The following UBP1 variants were observed in gnomAD, a reference collection of about 807,000 sequenced individuals.
UBP1 encodes upstream binding protein 1.
A neutral mutation model predicts 76.1 loss-of-function variants in UBP1; 22 were observed. The ratio of observed to expected loss-of-function variants is 0.29; its 90% CI spans 0.21 to 0.41. The LOEUF is 0.41. UBP1 is among the 10% of genes least tolerant of loss of function. The pLI is 1.00. For synonymous variants in UBP1, 224 were observed against 237.1 expected, an observed-to-expected ratio of 0.94 and a Z score of 0.51; for missense variants, 436 against 668.1, an observed-to-expected ratio of 0.65 and a Z score of 3.83.
At chr3:33,394,906 A>G (rs1386629310) in intron 13 of UBP1, among the ~76,000 whole-genome samples, 3 of 151,636 alleles carry the variant, frequency 2.0e-5, no homozygotes, top group Non-Finnish European at 4.4e-5. Flanking sequence ...TAGCACTACA[A>G]TCACAGAGTT....
At position 33,400,182 on chromosome 3, in the gene UBP1, C is replaced by CACA. The variant is rs767160728; in HGVS notation, c.1180+4_1180+6dup. The CACA allele has an allele frequency of 2.6e-6, 4 of 1,567,776 alleles. No homozygotes were observed. The African/African-American group carries it at 5.5e-5, about 22-fold the overall frequency. Reference sequence around the variant, plus strand: ...TCATGCACAGATACACACACACATACACATACCTGAAAAATTAGAGAACAG... The same window carrying CACA: ...TCATGCACAGATACACACACACATACACAACATACCTGAAAAATTAGAGAACAG... On this transcript the variant is annotated splice_region_variant and intron_variant, in intron 11 of 15. Coordinates refer to ENST00000283629, the MANE Select transcript of UBP1 (RefSeq NM_014517.5).
At chr3:33,428,273 T>C (rs1047630969) in intron 1 of UBP1, among the ~76,000 whole-genome samples, 2 of 150,556 alleles carry the variant, frequency 1.3e-5, no homozygotes, top group African/African-American at 4.9e-5. Flanking sequence ...TAAAAATATA[T>C]ACTGCATTTT....
chr3:33,397,745 A>C (rs1207238604), intron 11 of UBP1: 1 of 152,242 alleles, frequency 6.6e-6, no homozygotes, highest in East Asian at 1.9e-4. Context: ...ATTTCCCCCA[A>C]GCACATCCTA....
Position 33,402,917 on chromosome 3 carries a change from A to T in UBP1, c.928-13T>A. ...GCCACGGAGAACACTAAGGACAGAA[A>T]CAGAAATAAATTAGTGATATGCTTT... On this transcript the variant is annotated splice_polypyrimidine_tract_variant and intron_variant, in intron 8 of 15. Coordinates refer to ENST00000283629, the MANE Select transcript of UBP1 (RefSeq NM_014517.5). 6.3e-7 allele frequency: 1 copy of T among 1,587,944 alleles called. No homozygotes were observed. The highest frequency in any genetic ancestry group is 8.6e-7 in the Non-Finnish European group (1 of 1,163,830).
chr3:33,434,977 G>A (rs527367646), intron 1 of UBP1, among the ~76,000 whole-genome samples: 6 of 152,192 alleles, frequency 3.9e-5, no homozygotes, highest in African/African-American at 1.2e-4. Flanking sequence ...GAGCCATGGC[G>A]CCCGATCTGG....
chr3:33,422,109 T>C (rs1470123868), intron 2 of UBP1, among the ~76,000 whole-genome samples: 1 of 152,140 alleles, frequency 6.6e-6, no homozygotes, highest in Non-Finnish European at 1.5e-5. Context: ...GAAGATACTT[T>C]GCTAGTCTGG....
intron 1 of UBP1, among the ~76,000 whole-genome samples, chr3:33,427,837 C>A (rs574338119): frequency 7.2e-5 from 11 of 152,308 alleles, no homozygotes; most frequent in Admixed American, 1.3e-4. Flanking sequence ...CTCTCAACAC[C>A]TTGACCTAGG....
chr3:33,439,463 T>C (rs192268503), intron 1 of UBP1, among the ~76,000 whole-genome samples: 1,853 of 152,342 alleles, frequency 0.012, 18 homozygotes, highest in Non-Finnish European at 0.02. Flanking sequence ...CAAGCCATCC[T>C]AATAGCTGGG....
chr3:33,390,333 A>C lies in UBP1; in HGVS notation c.1621T>G (p.Ter541GlyextTer4). ...TACAGTTCAGTCTATATAAGACATC[A>C]CTTCAAAATTATGTGGATGCCATCA... ...SSDGIHIILK[*>G] The change falls in exon 16 of 16, where the codon TGA (stop) becomes GGA (glycine). Residue 541 changes from the stop codon to glycine, a stop_lost. Coordinates refer to ENST00000283629, the MANE Select transcript of UBP1 (RefSeq NM_014517.5). 2 of 1,614,102 alleles carry C rather than the reference A, an allele frequency of 1.2e-6. No individual in the cohort carries two copies. The highest frequency in any genetic ancestry group is 2.2e-5 in the East Asian group (1 of 44,878).
At chr3:33,440,799 T>G (rs1020719669), upstream of UBP1, 2 of 152,246 alleles carry the variant, frequency 1.3e-5, no homozygotes, top group Admixed American at 6.5e-5. Flanking sequence ...AAGAGTTCAT[T>G]GGACTGCATG....
Position 33,411,707 on chromosome 3 carries a change from T to A in UBP1, c.449-20A>T, listed in dbSNP as rs748805971. 6.3e-7 allele frequency: 1 copy of A among 1,592,796 alleles called. No homozygotes were observed. Among genetic ancestry groups the A allele is most frequent in the East Asian group, 2.2e-5 (1 of 44,754 alleles). Reference sequence around the variant, plus strand: ...GAATATCTATGTTTTAAAAAGAAGTTACATAAAAACATCCACTTTAAATAA... The same window carrying A: ...GAATATCTATGTTTTAAAAAGAAGTAACATAAAAACATCCACTTTAAATAA... On this transcript the variant is annotated intron_variant, in intron 4 of 15. Transcript: ENST00000283629.
chr3:33,424,977 G>A lies in UBP1; in HGVS notation c.265+613C>T, dbSNP rs145621087. ...CGAGAATTGCTTTAACCTGGGGGGCGGAGGTTGCAGTGTGCCGAGATTGCG... is the reference window on the plus strand; with the variant it reads ...CGAGAATTGCTTTAACCTGGGGGGCAGAGGTTGCAGTGTGCCGAGATTGCG... On this transcript the variant is annotated intron_variant, in intron 2 of 15. Coordinates refer to ENST00000283629, the MANE Select transcript of UBP1 (RefSeq NM_014517.5). Among the ~76,000 whole-genome samples the A allele has an allele frequency of 4.9e-3, 743 of 152,156 alleles. 4 individuals carry two copies. The highest frequency in any genetic ancestry group is 6.2e-3 in the Non-Finnish European group (420 of 67,982).
chr3:33,419,683 T>C (rs1190277740), intron 2 of UBP1, among the ~76,000 whole-genome samples: 1 of 151,488 alleles, frequency 6.6e-6, no homozygotes, highest in African/African-American at 2.4e-5. Flanking sequence ...CTTGCTACGC[T>C]TAAAGTGGTT....
At chr3:33,424,122 C>A (rs2044968894) in intron 2 of UBP1, among the ~76,000 whole-genome samples, 1 of 152,190 alleles carries the variant, frequency 6.6e-6, no homozygotes, top group Non-Finnish European at 1.5e-5. Flanking sequence ...AATATCCTTG[C>A]CCCTACATTG....
chr3:33,428,099 C>T (rs944984066), intron 1 of UBP1, among the ~76,000 whole-genome samples: 1 of 144,742 alleles, frequency 6.9e-6, no homozygotes, highest in Non-Finnish European at 1.5e-5. Context: ...AGAGAATTGC[C>T]TGAACCTGGG....
chr3:33,421,517 A>G (rs7615719), intron 2 of UBP1, among the ~76,000 whole-genome samples: 57,435 of 151,836 alleles, frequency 0.38, 11,800 homozygotes, highest in East Asian at 0.6. Flanking sequence ...TGATCTGCCC[A>G]CCTCAGCCTC....
At chr3:33,441,156 C>T (rs749729444), upstream of UBP1, 37 of 152,260 alleles carry the variant, frequency 2.4e-4, no homozygotes, top group African/African-American at 8.9e-4. Context: ...CTCAGAAGGC[C>T]CGAAGGGTCT....
At position 33,396,164 on chromosome 3, in the gene UBP1, T is replaced by C. The variant is rs770784996; in HGVS notation, c.1388A>G (p.Tyr463Cys). ...ATTGAGATGCCCTCAATACCTACCA[T>C]AGGGTGCCCCACTGCCATTCTCGCT... ...SASENGSGAP[Y>C]VYHAIYLEEM... Residue 463 changes from tyrosine (Y) to cysteine (C), a missense_variant and splice_region_variant, in exon 13 of 16, where the codon TAT (tyrosine) becomes TGT (cysteine). Physicochemically the swap from Tyr to Cys is radical, Grantham distance 194 (BLOSUM62 -2). This residue lies in a region of UBP1 where 210 missense variants were observed against 272.8 expected (regional missense o/e 0.77). Transcript: ENST00000283629. The C allele has an allele frequency of 2.0e-5, 32 of 1,573,386 alleles. No homozygotes were observed. Among genetic ancestry groups the C allele is most frequent in the Non-Finnish European group, 2.4e-5 (27 of 1,148,588 alleles).
chr3:33,422,490 G>A (rs1271819825), intron 2 of UBP1, among the ~76,000 whole-genome samples: 1 of 152,158 alleles, frequency 6.6e-6, no homozygotes, highest in Non-Finnish European at 1.5e-5. Flanking sequence ...GCCAAGGCAG[G>A]AAGATCGTTT....
Sources: allele counts gnomAD v4.1 joint callset (sites outside exome capture counted in the v4.1 genomes callset), GRCh38; gene constraint gnomAD v4.1.1; regional missense constraint gnomAD v4.1.1; transcripts MANE v1.5; gene names NCBI Gene and HGNC (gene_info 2026-07-23, HGNC 2026-07-21).